The following ASAP2 variants were observed in gnomAD, a reference collection of about 807,000 sequenced individuals.
ASAP2 encodes ArfGAP with SH3 domain, ankyrin repeat and PH domain 2, also known as arf-GAP with SH3 domain, ANK repeat and PH domain-containing protein 2.
A neutral mutation model predicts 131.4 loss-of-function variants in ASAP2; 45 were observed. The ratio of observed to expected loss-of-function variants is 0.34; its 90% CI spans 0.27 to 0.44. ASAP2 has a LOEUF of 0.44. Among genes scored for constraint, ASAP2 ranks in the 20% least tolerant of loss-of-function variants. ASAP2 has a pLI of 1.00. For synonymous variants in ASAP2, 510 were observed against 503.0 expected, an observed-to-expected ratio of 1.01 and a Z score of -0.19; for missense variants, 1,011 against 1,297.0, an observed-to-expected ratio of 0.78 and a Z score of 3.39.
intron 22 of ASAP2, among the ~76,000 whole-genome samples, chr2:9,388,944 G>A (rs535708636): frequency 1.3e-5 from 2 of 152,208 alleles, no homozygotes; most frequent in African/African-American, 4.8e-5. Context: ...GCCTTCATCT[G>A]GTCCAGCTCA....
chr2:9,344,907 T>C (rs1244227326), intron 11 of ASAP2, 107 bp downstream of exon 11: 1 of 944,592 alleles, frequency 1.1e-6, no homozygotes, highest in Non-Finnish European at 1.6e-6. Flanking sequence ...TGTGATGGTA[T>C]TAAGGATGTG....
chr2:9,391,015 CGTGTATGTGTGCGTGCATGCGTCT>C, intron 22 of ASAP2, 23 bp from the exon 23 acceptor site: 1 of 1,613,600 alleles, frequency 6.2e-7, no homozygotes, highest in Non-Finnish European at 8.5e-7. Flanking sequence ...CGTGTGTGCA[CGTGTATGTGTGCGTGCATGCGTCT>C]GTGTGCATGC....
At chr2:9,234,700 G>T (rs767925615) in intron 1 of ASAP2, among the ~76,000 whole-genome samples, 2 of 152,154 alleles carry the variant, frequency 1.3e-5, no homozygotes, top group African/African-American at 2.4e-5. Context: ...TTTACTCAGG[G>T]TTCAGTTGGT....
intron 1 of ASAP2, among the ~76,000 whole-genome samples, chr2:9,252,515 A>G (rs996077690): frequency 6.6e-6 from 1 of 152,104 alleles, no homozygotes; most frequent in African/African-American, 2.4e-5. Flanking sequence ...TGGAGGTTGC[A>G]GTGTGCTGAG....
intron 3 of ASAP2, among the ~76,000 whole-genome samples, chr2:9,317,560 ACACTCT>A (rs1239674041): frequency 2.5e-5 from 3 of 118,814 alleles, no homozygotes; most frequent in Non-Finnish European, 5.6e-5. Context: ...ATCCACAATC[ACACTCT>A]CACACACCCA....
intron 1 of ASAP2, among the ~76,000 whole-genome samples, chr2:9,221,818 G>A (rs1225388735): frequency 1.3e-5 from 2 of 152,060 alleles, no homozygotes; most frequent in Non-Finnish European, 2.9e-5. Flanking sequence ...TTTTTGAGAC[G>A]GAGTCTCGCT....
chr2:9,365,782 C>T (rs1673426251), intron 15 of ASAP2, among the ~76,000 whole-genome samples: 1 of 152,198 alleles, frequency 6.6e-6, no homozygotes, highest in Non-Finnish European at 1.5e-5. Flanking sequence ...TGACTCATCG[C>T]TACCTTGTTG....
intron 18 of ASAP2, among the ~76,000 whole-genome samples, chr2:9,377,834 A>G (rs1674524083): frequency 6.6e-6 from 1 of 152,218 alleles, no homozygotes; most frequent in South Asian, 2.1e-4. Flanking sequence ...GTCAACCCCA[A>G]GACCTGCAGC....
chr2:9,317,097 C>T (rs1669745504), intron 3 of ASAP2, among the ~76,000 whole-genome samples: 1 of 144,294 alleles, frequency 6.9e-6, no homozygotes, highest in Non-Finnish European at 1.5e-5. Context: ...ACACACTCAA[C>T]CACACTCATA....
At chr2:9,264,190 C>CAAAAAAAAAAAA (rs113543532) in intron 1 of ASAP2, among the ~76,000 whole-genome samples, 1 of 123,594 alleles carries the variant, frequency 8.1e-6, no homozygotes, top group Non-Finnish European at 1.7e-5. Context: ...GACCCTGTCT[C>CAAAAAAAAAAAA]AAAAAAATAA....
At chr2:9,370,285 A>G (rs1027291331) in intron 16 of ASAP2, among the ~76,000 whole-genome samples, 3 of 152,226 alleles carry the variant, frequency 2.0e-5, no homozygotes, top group Admixed American at 6.5e-5. Flanking sequence ...TGTGCATTAC[A>G]GTCTTTCAGG....
chr2:9,338,674 A>G (rs534522394), intron 9 of ASAP2, among the ~76,000 whole-genome samples: 28 of 152,252 alleles, frequency 1.8e-4, no homozygotes, highest in African/African-American at 6.0e-4. Flanking sequence ...CTCCACAAAC[A>G]CAACAGAACA....
At chr2:9,324,963 T>C (rs191341038) in intron 6 of ASAP2, among the ~76,000 whole-genome samples, 3 of 152,330 alleles carry the variant, frequency 2.0e-5, no homozygotes, top group Admixed American at 6.5e-5. Flanking sequence ...TTTACTTTTT[T>C]TTATGTCTGT....
At chr2:9,293,484 C>G (rs1667946051) in intron 2 of ASAP2, among the ~76,000 whole-genome samples, 1 of 152,184 alleles carries the variant, frequency 6.6e-6, no homozygotes, top group Admixed American at 6.5e-5. Flanking sequence ...TAAATAAAAG[C>G]TGATAGACCC....
At chr2:9,337,517 C>T (rs994413546) in intron 9 of ASAP2, among the ~76,000 whole-genome samples, 2 of 152,088 alleles carry the variant, frequency 1.3e-5, no homozygotes, top group African/African-American at 4.8e-5. Flanking sequence ...GATTTTTATT[C>T]AGTGTTATAA....
chr2:9,387,051 A>G (rs1264471746), intron 21 of ASAP2, among the ~76,000 whole-genome samples: 2 of 144,722 alleles, frequency 1.4e-5, no homozygotes, highest in African/African-American at 5.4e-5. Flanking sequence ...AAAAAATACA[A>G]AAAAATTAGC....
chr2:9,245,019 A>G lies in ASAP2; in HGVS notation c.127-34298A>G, dbSNP rs573331480. 7.9e-5 allele frequency among the ~76,000 whole-genome samples: 12 copies of G among 152,184 alleles called. No individual in the cohort carries two copies. In the South Asian group the frequency reaches 1.7e-3, roughly 21 times the overall value. On this transcript the variant is annotated intron_variant, in intron 1 of 27. Coordinates refer to ENST00000281419, the MANE Select transcript of ASAP2 (RefSeq NM_003887.3). ...GAAGTCCTCCCGTCATATAAAAGGTAAAAGTCTGAATCATGCAGGCCTAGG... is the reference window on the plus strand; with the variant it reads ...GAAGTCCTCCCGTCATATAAAAGGTGAAAGTCTGAATCATGCAGGCCTAGG...
chr2:9,276,162 C>G (rs1175930468), intron 1 of ASAP2, among the ~76,000 whole-genome samples: 5 of 152,224 alleles, frequency 3.3e-5, no homozygotes, highest in African/African-American at 1.2e-4. Flanking sequence ...TAATACCTTG[C>G]AGGTAGAAGG....
At chr2:9,393,450 A>G in intron 23 of ASAP2, 32 bp from the exon 24 acceptor site, 1 of 1,562,344 alleles carries the variant, frequency 6.4e-7, no homozygotes, top group Non-Finnish European at 8.7e-7. Context: ...CTGGCGGCTG[A>G]CCCTCTGCAC....
Sources: gnomAD v4.1 joint callset for allele counts (sites outside exome capture counted in the v4.1 genomes callset) on GRCh38, gnomAD v4.1.1 for gene constraint, MANE v1.5 for transcripts, NCBI Gene and HGNC (gene_info 2026-07-23, HGNC 2026-07-21) for gene names.